KCTD8: variants seen among roughly 807,000 people sequenced by gnomAD.
KCTD8 encodes the protein potassium channel tetramerization domain containing 8.
KCTD8 carries 27 observed loss-of-function variants against 31.5 expected under a neutral mutation model. The observed-to-expected ratio is 0.86, with a 90% CI of 0.63 to 1.18. KCTD8 has a LOEUF of 1.18. Ranked by LOEUF, KCTD8 falls within the 50% of genes most tolerant of loss-of-function variation. The pLI is 0.00. For missense variants in KCTD8, 658 were observed against 647.7 expected, an observed-to-expected ratio of 1.02 and a Z score of -0.17; for synonymous variants, 290 against 280.0, an observed-to-expected ratio of 1.04 and a Z score of -0.36.
At chr4:44,214,041 T>C (rs1016212377) in intron 1 of KCTD8, among the ~76,000 whole-genome samples, 2 of 152,216 alleles carry the variant, frequency 1.3e-5, no homozygotes, top group Non-Finnish European at 2.9e-5. Flanking sequence ...TTATTCACCA[T>C]ACATTTCTTC....
In KCTD8 at chr4:44,174,690, G is replaced by T; in HGVS notation, c.*100C>A. The T allele has an allele frequency of 1.2e-6, 1 of 855,228 alleles. No individual in the cohort carries two copies. The highest frequency in any genetic ancestry group is 1.8e-6 in the Non-Finnish European group (1 of 543,916). The allele number at this position is 855,228 out of a possible 1,614,324, so 53.0% of individuals were successfully genotyped here. A position where few individuals can be genotyped will look rare whatever the true frequency, so the allele number is the denominator to read the frequency against. ...CATCCACTGTTCACAACAAGGAAGAGCAGCAAGAATCACACTGACCATTGT... is the reference window on the plus strand; with the variant it reads ...CATCCACTGTTCACAACAAGGAAGATCAGCAAGAATCACACTGACCATTGT... On this transcript the variant is annotated 3_prime_UTR_variant, in exon 2 of 2. Coordinates refer to ENST00000360029, the MANE Select transcript of KCTD8 (RefSeq NM_198353.3).
intron 1 of KCTD8, among the ~76,000 whole-genome samples, chr4:44,315,003 T>G (rs939074496): frequency 6.6e-6 from 1 of 151,774 alleles, no homozygotes. Context: ...ACTTAAAATT[T>G]TATTATATCA....
At position 44,271,324 on chromosome 4, in the gene KCTD8, G is replaced by C. The variant is rs536994800; in HGVS notation, c.962-96074C>G. Among the ~76,000 whole-genome samples, 39 of 152,212 alleles carry C rather than the reference G, an allele frequency of 2.6e-4. 1 individual carries two copies. Among genetic ancestry groups the C allele is most frequent in the African/African-American group, 8.4e-4 (35 of 41,550 alleles). On this transcript the variant is annotated intron_variant, in intron 1 of 1. Coordinates refer to ENST00000360029, the MANE Select transcript of KCTD8 (RefSeq NM_198353.3). ...ATGAATAGTAATCAATCATGATAGA[G>C]ATATATTGAGTATGCCAGATAATTA...
chr4:44,317,014 AAAAC>A (rs1354668930), intron 1 of KCTD8, among the ~76,000 whole-genome samples: 8 of 150,486 alleles, frequency 5.3e-5, no homozygotes, highest in East Asian at 2.0e-4. Flanking sequence ...TAATAAAAAA[AAAAC>A]AAACAGGAAA....
chr4:44,441,318 C>G (rs1472599114), intron 1 of KCTD8, among the ~76,000 whole-genome samples: 1 of 151,976 alleles, frequency 6.6e-6, no homozygotes, highest in Non-Finnish European at 1.5e-5. Flanking sequence ...TGGTTACCCT[C>G]AAAAGTGTTA....
intron 1 of KCTD8, among the ~76,000 whole-genome samples, chr4:44,365,409 A>G (rs1719605791): frequency 6.6e-6 from 1 of 152,166 alleles, no homozygotes; most frequent in Admixed American, 6.6e-5. Context: ...TTCAATGTGT[A>G]TAAAGAAAGG....
chr4:44,282,655 G>C (rs1716933098), intron 1 of KCTD8, among the ~76,000 whole-genome samples: 1 of 152,150 alleles, frequency 6.6e-6, no homozygotes, highest in African/African-American at 2.4e-5. Flanking sequence ...GTTCTTGAAG[G>C]AAAGTAAAAG....
rs189892697 is a variant in KCTD8 at position 44,210,042 on chromosome 4, C to A, written c.962-34792G>T. Among the ~76,000 whole-genome samples, 169 of 152,218 alleles carry A rather than the reference C, an allele frequency of 1.1e-3. 1 individual carries two copies. Among genetic ancestry groups the A allele is most frequent in the African/African-American group, 3.9e-3 (161 of 41,534 alleles). ...TAAAAAGTGGAGCTCTAAGAGAGAC[C>A]AGAAGGCAAATTAACCTCTCTGAAT... On this transcript the variant is annotated intron_variant, in intron 1 of 1. Transcript: ENST00000360029.
chr4:44,446,959 C>G (rs1198482221), intron 1 of KCTD8, among the ~76,000 whole-genome samples: 1 of 152,190 alleles, frequency 6.6e-6, no homozygotes, highest in Non-Finnish European at 1.5e-5. Context: ...CCCCTTTCCC[C>G]ACACCCGCTC....
intron 1 of KCTD8, among the ~76,000 whole-genome samples, chr4:44,310,980 T>C (rs895573731): frequency 6.6e-6 from 1 of 151,760 alleles, no homozygotes; most frequent in Admixed American, 6.6e-5. Context: ...TCCATGCTTC[T>C]GCAACCCCTA....
intron 1 of KCTD8, among the ~76,000 whole-genome samples, chr4:44,426,062 A>T (rs1721337529): frequency 6.6e-6 from 1 of 150,928 alleles, no homozygotes; most frequent in Non-Finnish European, 1.5e-5. Context: ...ACTACTAGAT[A>T]ATGTATACTA....
chr4:44,235,574 TA>T (rs1560402132), intron 1 of KCTD8, among the ~76,000 whole-genome samples: 21 of 57,846 alleles, frequency 3.6e-4, no homozygotes, highest in African/African-American at 1.5e-3. Flanking sequence ...TATATATATA[TA>T]TTTAGAGAGA....
chr4:44,189,009 C>A (rs959834162), intron 1 of KCTD8, among the ~76,000 whole-genome samples: 19 of 152,060 alleles, frequency 1.2e-4, no homozygotes, highest in Admixed American at 3.3e-4. Context: ...TAATTCCTGG[C>A]CCTTGGTAGA....
intron 1 of KCTD8, among the ~76,000 whole-genome samples, chr4:44,342,431 TTACAATACTCAGTAAACCA>T (rs1224212485): frequency 6.6e-6 from 1 of 151,846 alleles, no homozygotes; most frequent in African/African-American, 2.4e-5. Context: ...GACAGTGGGC[TTACAATACTCAGTAAACCA>T]TGCTATAAAC....
intron 1 of KCTD8, among the ~76,000 whole-genome samples, chr4:44,423,035 G>A (rs978830950): frequency 1.2e-4 from 19 of 152,024 alleles, no homozygotes; most frequent in Admixed American, 1.1e-3. Context: ...TAGGTCAGCA[G>A]TTCTCAACCA....
intron 1 of KCTD8, among the ~76,000 whole-genome samples, chr4:44,227,212 T>C (rs192573823): frequency 9.5e-4 from 145 of 152,324 alleles, no homozygotes; most frequent in African/African-American, 3.4e-3. Flanking sequence ...GAGTTAATTT[T>C]TGTATAAGGT....
At chr4:44,421,713 C>T (rs1283782516) in intron 1 of KCTD8, among the ~76,000 whole-genome samples, 1 of 152,076 alleles carries the variant, frequency 6.6e-6, no homozygotes, top group Non-Finnish European at 1.5e-5. Context: ...TATCATGTCA[C>T]TACCTACCTC....
chr4:44,332,787 C>T (rs1249440410), intron 1 of KCTD8, among the ~76,000 whole-genome samples: 1 of 151,900 alleles, frequency 6.6e-6, no homozygotes, highest in Non-Finnish European at 1.5e-5. Flanking sequence ...TTTTATAGTA[C>T]CATATATCAC....
intron 1 of KCTD8, among the ~76,000 whole-genome samples, chr4:44,337,986 A>G (rs1418224617): frequency 2.0e-5 from 3 of 152,062 alleles, no homozygotes; most frequent in African/African-American, 7.2e-5. Context: ...AGCAAATAAA[A>G]TTATATTGTG....
Sources: gnomAD v4.1 joint callset for allele counts (sites outside exome capture counted in the v4.1 genomes callset) on GRCh38, gnomAD v4.1.1 for gene constraint, MANE v1.5 for transcripts, NCBI Gene and HGNC (gene_info 2026-07-23, HGNC 2026-07-21) for gene names.